ST18: variants seen among roughly 807,000 people sequenced by gnomAD.
The protein encoded by ST18 is suppression of tumorigenicity 18 protein.
Under a neutral mutation model 110.0 loss-of-function variants are expected in ST18, and 50 were observed. The observed-to-expected ratio is 0.45, with a 90% CI of 0.36 to 0.58. The LOEUF is 0.58. Among genes scored for constraint, ST18 ranks in the 20% least tolerant of loss-of-function variants. The pLI is 0.00. For missense variants in ST18, 1,306 were observed against 1,280.1 expected (o/e 1.02, Z -0.31); for synonymous variants, 461 against 452.4 (o/e 1.02, Z -0.24).
intron 8 of ST18, 139 bp downstream of exon 8, chr8:52,211,940 T>C (rs1189713563): frequency 1.5e-5 from 12 of 807,724 alleles, no homozygotes; most frequent in Non-Finnish European, 2.3e-5. Context: ...TCTTGGTGCA[T>C]ACACAACGTC....
At chr8:52,196,339 C>T (rs2076170949) in intron 8 of ST18, among the ~76,000 whole-genome samples, 2 of 152,140 alleles carry the variant, frequency 1.3e-5, no homozygotes, top group South Asian at 2.1e-4. Context: ...ATACAAGTAT[C>T]TTCATATTCT....
intron 2 of ST18, among the ~76,000 whole-genome samples, chr8:52,250,753 G>C (rs148009775): frequency 6.6e-6 from 1 of 151,816 alleles, no homozygotes; most frequent in African/African-American, 2.4e-5. Flanking sequence ...CAATTAACTG[G>C]CCACCAAGAG....
At chr8:52,356,341 T>A (rs1244976577) in intron 2 of ST18, among the ~76,000 whole-genome samples, 1 of 152,212 alleles carries the variant, frequency 6.6e-6, no homozygotes, top group Non-Finnish European at 1.5e-5. Context: ...AAGAAAACTC[T>A]GTCAAAACAC....
chr8:52,395,014 G>A (rs2141019297), intron 2 of ST18, among the ~76,000 whole-genome samples: 1 of 152,324 alleles, frequency 6.6e-6, no homozygotes, highest in East Asian at 1.9e-4. Flanking sequence ...ATATGGCAAG[G>A]AGGCCGGAAA....
chr8:52,184,656 C>T (rs1482466775), intron 8 of ST18, among the ~76,000 whole-genome samples: 1 of 152,178 alleles, frequency 6.6e-6, no homozygotes, highest in Non-Finnish European at 1.5e-5. Context: ...GAATCCTCCA[C>T]ATCTAGAGTT....
chr8:52,247,524 C>T (rs188667122), intron 2 of ST18, among the ~76,000 whole-genome samples: 64 of 152,196 alleles, frequency 4.2e-4, no homozygotes, highest in Non-Finnish European at 6.6e-4. Flanking sequence ...AGGATGGGGG[C>T]AAAATATTTA....
At chr8:52,199,580 A>C (rs2135407334) in intron 8 of ST18, 1 of 152,332 alleles carries the variant, frequency 6.6e-6, no homozygotes, top group Middle Eastern at 3.4e-3. Flanking sequence ...AATTATAAAA[A>C]TTGAGGGCAT....
chr8:52,133,710 A>AATT (rs10547451), intron 19 of ST18, among the ~76,000 whole-genome samples: 5,690 of 147,920 alleles, frequency 0.038, 122 homozygotes, highest in African/African-American at 0.057. Flanking sequence ...AAGTTTTCCA[A>AATT]ATTATTATTA....
chr8:52,255,350 T>G (rs1173311290), intron 2 of ST18, among the ~76,000 whole-genome samples: 1 of 152,160 alleles, frequency 6.6e-6, no homozygotes, highest in Non-Finnish European at 1.5e-5. Context: ...ATAGTATTTT[T>G]AAAAATTAAG....
chr8:52,344,805 T>C (rs894545500), intron 2 of ST18, among the ~76,000 whole-genome samples: 7 of 152,354 alleles, frequency 4.6e-5, no homozygotes, highest in East Asian at 1.9e-4. Flanking sequence ...CACATTTAAC[T>C]ATAAAGTTTT....
At chr8:52,158,792 G>A (rs2060644977) in intron 15 of ST18, 106 bp downstream of exon 15, 1 of 1,302,956 alleles carries the variant, frequency 7.7e-7, no homozygotes, top group Non-Finnish European at 1.1e-6. Context: ...GATCGCTTCA[G>A]AGGTTGGGGA....
intron 2 of ST18, among the ~76,000 whole-genome samples, chr8:52,351,995 A>G (rs1454537716): frequency 2.6e-5 from 4 of 152,226 alleles, no homozygotes; most frequent in African/African-American, 7.2e-5. Context: ...AGTAGCTGCA[A>G]TGGAAATTCA....
intron 2 of ST18, among the ~76,000 whole-genome samples, chr8:52,309,905 A>G (rs1020523025): frequency 7.9e-5 from 12 of 152,146 alleles, no homozygotes; most frequent in African/African-American, 2.7e-4. Context: ...ATTTAATACA[A>G]TGCTGTTAAC....
chr8:52,136,933 CCA>C (rs775225660), intron 18 of ST18, among the ~76,000 whole-genome samples: 7 of 152,162 alleles, frequency 4.6e-5, no homozygotes, highest in Non-Finnish European at 7.3e-5. Flanking sequence ...CAATGATCAC[CCA>C]CACACAGAGT....
chr8:52,177,052 A>ATT (rs1276975848), intron 9 of ST18, among the ~76,000 whole-genome samples: 1 of 152,152 alleles, frequency 6.6e-6, no homozygotes, highest in African/African-American at 2.4e-5. Context: ...ACTGTGACAT[A>ATT]TTTCCCCATG....
intron 2 of ST18, among the ~76,000 whole-genome samples, chr8:52,391,921 A>C (rs148161167): frequency 2.0e-5 from 3 of 152,200 alleles, no homozygotes; most frequent in African/African-American, 7.2e-5. Flanking sequence ...GGGCACTCCA[A>C]GTAGATGGAA....
intron 2 of ST18, among the ~76,000 whole-genome samples, chr8:52,385,153 A>C (rs990983747): frequency 3.3e-5 from 5 of 152,198 alleles, no homozygotes; most frequent in African/African-American, 9.7e-5. Context: ...GACGAGACTG[A>C]ACTAGAAATA....
chr8:52,197,858 C>A (rs543946273), intron 8 of ST18, among the ~76,000 whole-genome samples: 1 of 150,538 alleles, frequency 6.6e-6, no homozygotes, highest in African/African-American at 2.5e-5. Flanking sequence ...AAGATAGAGA[C>A]CCACAGAGGG....
chr8:52,192,254 C>A (rs967428907), intron 8 of ST18, among the ~76,000 whole-genome samples: 1 of 152,164 alleles, frequency 6.6e-6, no homozygotes, highest in African/African-American at 2.4e-5. Flanking sequence ...ACCAACCAAC[C>A]ACTGGACCTT....
Sources: allele counts gnomAD v4.1 joint callset (sites outside exome capture counted in the v4.1 genomes callset), GRCh38; gene constraint gnomAD v4.1.1; transcripts MANE v1.5; gene names NCBI Gene and HGNC (gene_info 2026-07-23, HGNC 2026-07-21).